BBS7: variants seen among roughly 807,000 people sequenced by gnomAD.
The protein encoded by BBS7 is BBSome complex member BBS7.
BBS7 carries 50 observed loss-of-function variants against 90.3 expected under a neutral mutation model. The observed-to-expected ratio is 0.55, with a 90% CI of 0.44 to 0.70. The LOEUF (loss-of-function observed/expected upper bound fraction) is 0.70, where lower values mean the gene tolerates loss of function less well. Among genes scored for constraint, BBS7 ranks in the 30% least tolerant of loss-of-function variants. BBS7 has a pLI of 0.00. For synonymous variants in BBS7, 235 were observed against 287.4 expected (o/e 0.82, Z 1.85); for missense variants, 729 against 838.9 (o/e 0.87, Z 1.62).
At chr4:121,853,597 C>T (rs564884848) in intron 7 of BBS7, among the ~76,000 whole-genome samples, 1 of 151,610 alleles carries the variant, frequency 6.6e-6, no homozygotes, top group Non-Finnish European at 1.5e-5. Flanking sequence ...CTGAAATTGT[C>T]TATGTTTCCA....
At chr4:121,865,256 G>A (rs1338477806) in intron 2 of BBS7, among the ~76,000 whole-genome samples, 2 of 112,550 alleles carry the variant, frequency 1.8e-5, no homozygotes, top group Admixed American at 9.4e-5. Flanking sequence ...TTTTTTTTTT[G>A]AGACAGAGTT....
chr4:121,860,708 G>A (rs182458246), intron 4 of BBS7, among the ~76,000 whole-genome samples: 1 of 152,046 alleles, frequency 6.6e-6, no homozygotes, highest in East Asian at 1.9e-4. Flanking sequence ...ACTTATCATG[G>A]TTTAATTTTA....
At chr4:121,863,073 C>A in intron 3 of BBS7, 144 bp downstream of exon 3, 1 of 752,120 alleles carries the variant, frequency 1.3e-6, no homozygotes, top group South Asian at 1.8e-5. Flanking sequence ...GTGCTACCCG[C>A]AGACTCATAT....
chr4:121,857,893 G>A (rs753081981), intron 5 of BBS7, among the ~76,000 whole-genome samples: 16 of 141,930 alleles, frequency 1.1e-4, no homozygotes, highest in Admixed American at 5.3e-4. Flanking sequence ...CGCAACCTCC[G>A]CCTCCTGGGT....
chr4:121,870,187 G>A (rs1727508458), intron 1 of BBS7, 91 bp downstream of exon 1: 4 of 1,558,480 alleles, frequency 2.6e-6, no homozygotes, highest in African/African-American at 1.4e-5. Flanking sequence ...ACCAGCTCCT[G>A]GCGACCGAGA....
chr4:121,847,637 G>C, intron 9 of BBS7, 131 bp from the exon 10 acceptor site: 1 of 665,346 alleles, frequency 1.5e-6, no homozygotes, highest in East Asian at 2.6e-5. Context: ...CTTAACCCTA[G>C]GACTTCATTC....
intron 13 of BBS7, among the ~76,000 whole-genome samples, chr4:121,836,204 C>G (rs1725442473): frequency 6.6e-6 from 1 of 152,146 alleles, no homozygotes; most frequent in African/African-American, 2.4e-5. Flanking sequence ...CTAGGAAGAT[C>G]TAATTTAAGA....
intron 5 of BBS7, among the ~76,000 whole-genome samples, chr4:121,856,547 T>C (rs1379301956): frequency 6.6e-6 from 1 of 151,936 alleles, no homozygotes; most frequent in Non-Finnish European, 1.5e-5. Flanking sequence ...AAACCGTCTC[T>C]ACTAAAAATA....
intron 3 of BBS7, 115 bp from the exon 4 acceptor site, chr4:121,861,794 A>G (rs1726996402): frequency 2.0e-6 from 2 of 992,646 alleles, no homozygotes; most frequent in Non-Finnish European, 3.0e-6. Flanking sequence ...GTTCCACTAT[A>G]TAGAAATAAT....
chr4:121,847,389 AAAACTC>A lies in BBS7; in HGVS notation c.1037+9_1037+14del, dbSNP rs1726066153. On this transcript the variant is annotated intron_variant, in intron 10 of 18. Coordinates refer to ENST00000264499, the MANE Select transcript of BBS7 (RefSeq NM_176824.3). ...ATGAGATTTTTAAAAAAGCAAATAAAAAACTCAAAGTTACCGTAAGGAAGAAATTTT... is the reference window on the plus strand; with the variant it reads ...ATGAGATTTTTAAAAAAGCAAATAAAAAAGTTACCGTAAGGAAGAAATTTT... The A allele has an allele frequency of 1.3e-6, 2 of 1,562,446 alleles. No individual in the cohort carries two copies. The highest frequency in any genetic ancestry group is 1.8e-6 in the Non-Finnish European group (2 of 1,133,806).
intron 15 of BBS7, among the ~76,000 whole-genome samples, chr4:121,830,668 C>T (rs1209277572): frequency 6.6e-6 from 1 of 152,096 alleles, no homozygotes; most frequent in Non-Finnish European, 1.5e-5. Context: ...GTTAAGCAAC[C>T]AGCTAGGGTC....
chr4:121,847,246 A>C (rs1294588221), intron 10 of BBS7, among the ~76,000 whole-genome samples, 158 bp downstream of exon 10: 2 of 152,234 alleles, frequency 1.3e-5, no homozygotes, highest in Admixed American at 1.3e-4. Flanking sequence ...CACTTACGCT[A>C]ATTTTCTCGA....
intron 12 of BBS7, among the ~76,000 whole-genome samples, chr4:121,840,575 A>G (rs1725685919): frequency 6.6e-6 from 1 of 152,170 alleles, no homozygotes; most frequent in Non-Finnish European, 1.5e-5. Flanking sequence ...AACCTAGAGG[A>G]GTTTTTTCAA....
At chr4:121,863,329 C>A in intron 2 of BBS7, 50 bp from the exon 3 acceptor site, 2 of 1,420,974 alleles carry the variant, frequency 1.4e-6, no homozygotes, top group Non-Finnish European at 2.0e-6. Flanking sequence ...ATATTATGAC[C>A]TAATAATTAT....
intron 1 of BBS7, among the ~76,000 whole-genome samples, chr4:121,869,549 T>C (rs1727470681): frequency 6.6e-6 from 1 of 152,190 alleles, no homozygotes. Context: ...TTGCTTTTTT[T>C]CCCCCTTTCG....
intron 2 of BBS7, among the ~76,000 whole-genome samples, chr4:121,866,037 G>C (rs1465866569): frequency 1.3e-5 from 2 of 152,074 alleles, no homozygotes; most frequent in Non-Finnish European, 2.9e-5. Context: ...GAAATGTTTA[G>C]ATCATTTGCC....
In BBS7 at chr4:121,867,973, T is replaced by C. The variant is rs776389340; in HGVS notation, c.102+8A>G. ...GGAATAGTGGAGAAATCAGAATCTA[T>C]ACAGTACCTTTTGTGTAGCTCTGTG... is the stretch of plus-strand genomic sequence containing the variant. On this transcript the variant is annotated splice_region_variant and intron_variant, in intron 2 of 18. Coordinates refer to ENST00000264499, the MANE Select transcript of BBS7 (RefSeq NM_176824.3). 2 of 1,608,474 alleles carry C rather than the reference T, an allele frequency of 1.2e-6. No individual in the cohort carries two copies. Among genetic ancestry groups the C allele is most frequent in the South Asian group, 2.2e-5 (2 of 90,960 alleles).
intron 8 of BBS7, among the ~76,000 whole-genome samples, chr4:121,852,582 C>T (rs1262020232): frequency 6.6e-6 from 1 of 151,954 alleles, no homozygotes; most frequent in Non-Finnish European, 1.5e-5. Context: ...ACTGTCCTAA[C>T]AATATGAAGT....
intron 18 of BBS7, chr4:121,827,607 TCTTC>T: frequency 4.2e-6 from 1 of 235,410 alleles, no homozygotes; most frequent in Non-Finnish European, 7.0e-6. Flanking sequence ...TTAAGCTGTT[TCTTC>T]CTTCCTCACT....
Sources: gnomAD v4.1 joint callset for allele counts (sites outside exome capture counted in the v4.1 genomes callset) on GRCh38, gnomAD v4.1.1 for gene constraint, MANE v1.5 for transcripts, NCBI Gene and HGNC (gene_info 2026-07-23, HGNC 2026-07-21) for gene names.